The following AFF1 variants were observed in gnomAD, a reference collection of about 807,000 sequenced individuals.
AFF1 encodes AF4/FMR2 family member 1.
AFF1 carries 48 observed loss-of-function variants against 121.7 expected under a neutral mutation model. The observed-to-expected ratio is 0.39, with a 90% CI of 0.31 to 0.50. The LOEUF (loss-of-function observed/expected upper bound fraction) is 0.50. AFF1 is among the 20% of genes least tolerant of loss of function. The pLI, the probability that AFF1 is intolerant of heterozygous loss-of-function variation, is 0.76. For synonymous variants in AFF1, 613 were observed against 563.0 expected (o/e 1.09, Z -1.26); for missense variants, 1,523 against 1,511.7 (o/e 1.01, Z -0.12).
At chr4:86,948,112 A>G (rs904291712) in intron 1 of AFF1, among the ~76,000 whole-genome samples, 1 of 151,964 alleles carries the variant, frequency 6.6e-6, no homozygotes, top group Admixed American at 6.6e-5. Flanking sequence ...ATGGGATATT[A>G]GTATCTGCCT....
intron 8 of AFF1, among the ~76,000 whole-genome samples, chr4:87,098,542 C>T (rs3775216): frequency 0.044 from 6,637 of 152,198 alleles, 355 homozygotes; most frequent in East Asian, 0.16. Context: ...GGTGTCAGTG[C>T]ATTTGTCAGC....
chr4:87,118,006 A>T (rs1393834951), intron 12 of AFF1, among the ~76,000 whole-genome samples: 1 of 152,214 alleles, frequency 6.6e-6, no homozygotes, highest in African/African-American at 2.4e-5. Flanking sequence ...TTGGATAATG[A>T]AGATATTTTT....
rs76280539 is a variant in AFF1 at position 87,137,591 on chromosome 4, C to G, written c.*1890C>G. On this transcript the variant is annotated 3_prime_UTR_variant, in exon 21 of 21. Coordinates refer to ENST00000395146, the MANE Select transcript of AFF1 (RefSeq NM_001166693.3). ...ACCTTGATGTGTGATTCCTGATGAC[C>G]GGTTTCATTTATTCATGTTATAAAG... 80 of 230,782 alleles carry G rather than the reference C, an allele frequency of 3.5e-4. No individual in the cohort carries two copies. Among genetic ancestry groups the G allele is most frequent in the African/African-American group, 1.6e-3 (74 of 45,276 alleles). 14.3% of individuals were successfully genotyped at this position (230,782 alleles called of 1,614,324 possible). A position where few individuals can be genotyped will look rare whatever the true frequency, so the allele number is the denominator to read the frequency against.
At chr4:87,001,957 G>C (rs934545736) in intron 2 of AFF1, among the ~76,000 whole-genome samples, 18 of 152,176 alleles carry the variant, frequency 1.2e-4, no homozygotes, top group African/African-American at 4.3e-4. Context: ...GCAGTTCTTA[G>C]GGGATTTGAC....
In AFF1 at chr4:87,127,011, A is replaced by T. The variant is rs1728312060; in HGVS notation, c.2812-15A>T. ...ATGTTAGAGTGTAATCTGTATATTGATTTTTTTTTTGAAGGGTTCTTCCGG... is the reference window on the plus strand; with the variant it reads ...ATGTTAGAGTGTAATCTGTATATTGTTTTTTTTTTTGAAGGGTTCTTCCGG... On this transcript the variant is annotated splice_polypyrimidine_tract_variant and intron_variant, in intron 14 of 20. Transcript: ENST00000395146. 3 of 1,515,306 alleles carry T rather than the reference A, an allele frequency of 2.0e-6. No homozygotes were observed. Among genetic ancestry groups the T allele is most frequent in the East Asian group, 4.7e-5 (2 of 42,154 alleles). 93.9% of individuals were successfully genotyped at this position (1,515,306 alleles called of 1,614,324 possible).
chr4:86,967,133 A>G (rs1722591504), intron 2 of AFF1, among the ~76,000 whole-genome samples: 1 of 152,194 alleles, frequency 6.6e-6, no homozygotes, highest in Non-Finnish European at 1.5e-5. Context: ...ACAGGGTTTT[A>G]CAGGAACATG....
rs186415845 is a variant in AFF1 at position 87,061,066 on chromosome 4, C to A, written c.1059+13472C>A. On this transcript the variant is annotated intron_variant, in intron 4 of 20. Transcript: ENST00000395146. The stretch of plus-strand genomic sequence containing the variant: ...CAAGGGAAAACACTGGTCTGTTGTT[C>A]TGAACCTAATTGAGTCTTTTATTAT... Among the ~76,000 whole-genome samples the A allele has an allele frequency of 4.6e-4, 70 of 152,252 alleles. 1 individual carries two copies. The highest frequency in any genetic ancestry group is 1.7e-3 in the African/African-American group (69 of 41,572).
At chr4:87,013,861 A>G (rs1425554385) in intron 2 of AFF1, among the ~76,000 whole-genome samples, 1 of 152,012 alleles carries the variant, frequency 6.6e-6, no homozygotes, top group Non-Finnish European at 1.5e-5. Context: ...CTGAATGGAC[A>G]GGTTCTGGGT....
chr4:87,027,548 C>G, intron 2 of AFF1, among the ~76,000 whole-genome samples: 1 of 152,170 alleles, frequency 6.6e-6, no homozygotes, highest in Non-Finnish European at 1.5e-5. Context: ...AGAGGAGAGT[C>G]TGTTGGAAAA....
In AFF1 at chr4:87,127,786, C is replaced by T. The variant is rs540227831; in HGVS notation, c.2964+83C>T. The T allele has an allele frequency of 3.6e-5, 49 of 1,367,520 alleles. No homozygotes were observed. The African/African-American group carries it at 4.6e-4, about 13-fold the overall frequency. 84.7% of individuals were successfully genotyped at this position (1,367,520 alleles called of 1,614,324 possible). A position where few individuals can be genotyped will look rare whatever the true frequency, so the allele number is the denominator to read the frequency against. On this transcript the variant is annotated intron_variant, in intron 16 of 20. Coordinates refer to ENST00000395146, the MANE Select transcript of AFF1 (RefSeq NM_001166693.3). ...TTGGTAGTCTCCATTCTGCTGTATT[C>T]CATATCACTCAGCGTATGTGCGGTG...
chr4:86,948,358 A>G (rs1721017200), intron 1 of AFF1, 140 bp from the exon 2 acceptor site: 1 of 561,560 alleles, frequency 1.8e-6, no homozygotes, highest in Non-Finnish European at 3.1e-6. Context: ...TGTTCATACA[A>G]CTTGGGAATT....
intron 8 of AFF1, among the ~76,000 whole-genome samples, chr4:87,098,835 C>T (rs887449218): frequency 1.3e-5 from 2 of 152,030 alleles, no homozygotes; most frequent in African/African-American, 4.8e-5. Flanking sequence ...TGGGATTGTC[C>T]CTCGAGTTGG....
intron 10 of AFF1, among the ~76,000 whole-genome samples, chr4:87,107,012 C>T (rs935072025): frequency 2.6e-5 from 4 of 152,100 alleles, no homozygotes; most frequent in Non-Finnish European, 4.4e-5. Context: ...AGAGACCAAG[C>T]GGGGGTACAA....
intron 2 of AFF1, among the ~76,000 whole-genome samples, chr4:86,991,834 CTTTTTT>C (rs34804329): frequency 4.4e-5 from 5 of 113,686 alleles, no homozygotes; most frequent in Admixed American, 9.2e-5. Flanking sequence ...CTTCAAATTG[CTTTTTT>C]TTTTTTTTTT....
chr4:87,115,439 C>A (rs758537309), intron 12 of AFF1, 140 bp downstream of exon 12: 8 of 888,876 alleles, frequency 9.0e-6, no homozygotes, highest in Non-Finnish European at 1.3e-5. Flanking sequence ...GCCTTTGCAT[C>A]TTCTTCCAGC....
Position 87,108,380 on chromosome 4 carries a change from C to T in AFF1, c.1533+65C>T, listed in dbSNP as rs1031841927. On this transcript the variant is annotated intron_variant, in intron 11 of 20. Transcript: ENST00000395146. ...GCATTCTGTCCTTTGAAGTTAGAGTCAGTGCTGTGGGCCAGGACTGACCAT... is the reference window on the plus strand; with the variant it reads ...GCATTCTGTCCTTTGAAGTTAGAGTTAGTGCTGTGGGCCAGGACTGACCAT... 5.1e-6 allele frequency: 8 copies of T among 1,556,690 alleles called. No individual in the cohort carries two copies. In the Admixed American group the frequency reaches 1.2e-4, roughly 24 times the overall value.
Position 86,997,131 on chromosome 4 carries a change from C to T in AFF1, c.38+48560C>T, listed in dbSNP as rs896975120. Among the ~76,000 whole-genome samples the T allele has an allele frequency of 1.1e-4, 16 of 152,116 alleles. No individual in the cohort carries two copies. In the South Asian group the frequency reaches 1.5e-3, roughly 14 times the overall value. On this transcript the variant is annotated intron_variant, in intron 2 of 20. Coordinates refer to ENST00000395146, the MANE Select transcript of AFF1 (RefSeq NM_001166693.3). ...TTCACCATGTTGGCCAGGCTTGTCT[C>T]GAACTCCTGAGGTCAGGTGATCCGC...
intron 2 of AFF1, among the ~76,000 whole-genome samples, chr4:86,991,525 C>T (rs1402771301): frequency 6.6e-6 from 1 of 151,886 alleles, no homozygotes; most frequent in African/African-American, 2.4e-5. Flanking sequence ...GAGAAAAATA[C>T]TGTTGAAATT....
At chr4:87,019,135 A>G (rs527472202) in intron 2 of AFF1, among the ~76,000 whole-genome samples, 13 of 152,336 alleles carry the variant, frequency 8.5e-5, no homozygotes, top group Admixed American at 6.5e-5. Context: ...AAAACACAGA[A>G]GTGGTGTTCT....
Sources: allele counts gnomAD v4.1 joint callset (sites outside exome capture counted in the v4.1 genomes callset), GRCh38; gene constraint gnomAD v4.1.1; transcripts MANE v1.5; gene names NCBI Gene and HGNC (gene_info 2026-07-23, HGNC 2026-07-21).